DENND1A: variants seen among roughly 807,000 people sequenced by gnomAD.
DENND1A encodes the protein DENN domain containing 1A.
Under a neutral mutation model 113.7 loss-of-function variants are expected in DENND1A, and 51 were observed. The observed-to-expected ratio is 0.45, with a 90% CI of 0.36 to 0.57. The LOEUF (loss-of-function observed/expected upper bound fraction) is 0.57. Among genes scored for constraint, DENND1A ranks in the 20% least tolerant of loss-of-function variants. The probability of loss-of-function intolerance (pLI) is 0.00; values close to 1 mark genes in which losing one functional copy is unlikely to be tolerated. For missense variants in DENND1A, 1,258 were observed against 1,395.9 expected, an observed-to-expected ratio of 0.90 and a Z score of 1.57; for synonymous variants, 565 against 570.8, an observed-to-expected ratio of 0.99 and a Z score of 0.14.
intron 2 of DENND1A, among the ~76,000 whole-genome samples, chr9:123,831,229 T>A (rs533789448): frequency 2.6e-5 from 4 of 152,054 alleles, no homozygotes; most frequent in Admixed American, 6.5e-5. Context: ...CAGAAATAAA[T>A]ATAATGAAAA....
chr9:123,718,615 G>A (rs1013724783), intron 5 of DENND1A, among the ~76,000 whole-genome samples: 1 of 152,160 alleles, frequency 6.6e-6, no homozygotes, highest in African/African-American at 2.4e-5. Flanking sequence ...CTTGCATTTT[G>A]TTACTCATAT....
intron 13 of DENND1A, among the ~76,000 whole-genome samples, chr9:123,483,133 T>C (rs901649053): frequency 1.3e-5 from 2 of 152,086 alleles, no homozygotes; most frequent in African/African-American, 4.8e-5. Context: ...AGAGTTGACT[T>C]GGATGCAAGA....
chr9:123,894,109 C>T (rs939636411), intron 1 of DENND1A, among the ~76,000 whole-genome samples: 2 of 152,170 alleles, frequency 1.3e-5, no homozygotes, highest in African/African-American at 4.8e-5. Flanking sequence ...AACTTTGTTT[C>T]ACTTCACCTC....
At chr9:123,648,346 G>C (rs1351520549) in intron 9 of DENND1A, among the ~76,000 whole-genome samples, 2 of 152,144 alleles carry the variant, frequency 1.3e-5, no homozygotes, top group African/African-American at 4.8e-5. Flanking sequence ...CAAAATGTTG[G>C]GATTATAGGT....
intron 5 of DENND1A, among the ~76,000 whole-genome samples, chr9:123,684,721 T>A (rs1399552050): frequency 1.3e-5 from 2 of 152,226 alleles, no homozygotes; most frequent in African/African-American, 4.8e-5. Context: ...TCTAGATGAT[T>A]CATTTTTCAA....
intron 13 of DENND1A, among the ~76,000 whole-genome samples, chr9:123,554,249 G>A (rs1030310100): frequency 2.6e-5 from 4 of 151,920 alleles, no homozygotes; most frequent in African/African-American, 4.8e-5. Context: ...AAAAGACAGG[G>A]TCTCACCCTG....
intron 13 of DENND1A, among the ~76,000 whole-genome samples, chr9:123,476,368 T>C (rs1258832569): frequency 6.6e-6 from 1 of 152,130 alleles, no homozygotes; most frequent in Non-Finnish European, 1.5e-5. Flanking sequence ...CTTGGGCAAG[T>C]GTCTACCCAA....
intron 5 of DENND1A, among the ~76,000 whole-genome samples, chr9:123,720,399 A>AGGT (rs1214776888): frequency 6.6e-6 from 1 of 152,198 alleles, no homozygotes; most frequent in African/African-American, 2.4e-5. Context: ...AAATGAACAA[A>AGGT]GGTAAAGAGA....
chr9:123,783,897 A>G (rs1012202963), intron 3 of DENND1A, among the ~76,000 whole-genome samples: 2 of 152,226 alleles, frequency 1.3e-5, no homozygotes, highest in African/African-American at 4.8e-5. Flanking sequence ...ACACAGATAT[A>G]CAAGCAAGAC....
intron 19 of DENND1A, among the ~76,000 whole-genome samples, chr9:123,431,833 A>T (rs1341072932): frequency 6.6e-6 from 1 of 152,144 alleles, no homozygotes; most frequent in East Asian, 1.9e-4. Flanking sequence ...AACACCTAGC[A>T]CATACGGGAT....
intron 13 of DENND1A, among the ~76,000 whole-genome samples, chr9:123,497,145 C>T (rs1276299424): frequency 1.3e-5 from 2 of 152,200 alleles, no homozygotes; most frequent in African/African-American, 4.8e-5. Context: ...ATCAGGGCAG[C>T]ACGGACCACG....
chr9:123,576,025 G>T (rs748561716), intron 12 of DENND1A, among the ~76,000 whole-genome samples: 9 of 152,050 alleles, frequency 5.9e-5, no homozygotes, highest in African/African-American at 2.2e-4. Context: ...TCCATCTGTT[G>T]TCATGTTTAC....
intron 13 of DENND1A, among the ~76,000 whole-genome samples, chr9:123,547,273 T>C (rs1232866333): frequency 6.6e-6 from 1 of 152,290 alleles, no homozygotes; most frequent in Non-Finnish European, 1.5e-5. Flanking sequence ...CTCACGCCTG[T>C]AATCCCAGCA....
At position 123,519,921 on chromosome 9, in the gene DENND1A, A is replaced by T. The variant is rs1321858889; in HGVS notation, c.993+37649T>A. On this transcript the variant is annotated intron_variant, in intron 13 of 23. Coordinates refer to ENST00000394215, the MANE Select transcript of DENND1A (RefSeq NM_001352964.2). ...ACACCTGTCATCTCAGCACTTTGGG[A>T]GGCTGAGGTGTGTGGATTACTTGAG... Among the ~76,000 whole-genome samples, 4 of 152,090 alleles carry T rather than the reference A, an allele frequency of 2.6e-5. No individual in the cohort carries two copies. The South Asian group carries it at 6.2e-4, about 24-fold the overall frequency.
chr9:123,667,383 G>A (rs1459649672), intron 7 of DENND1A, among the ~76,000 whole-genome samples: 2 of 152,168 alleles, frequency 1.3e-5, no homozygotes, highest in Non-Finnish European at 2.9e-5. Flanking sequence ...GGGAGGCCAA[G>A]GCAGGTAGAT....
At chr9:123,643,111 A>G (rs1381280874) in intron 9 of DENND1A, among the ~76,000 whole-genome samples, 2 of 152,046 alleles carry the variant, frequency 1.3e-5, no homozygotes, top group Non-Finnish European at 2.9e-5. Flanking sequence ...TCTCCTAAGG[A>G]CCAGACTGTG....
intron 5 of DENND1A, among the ~76,000 whole-genome samples, chr9:123,691,498 T>C (rs1016946859): frequency 1.3e-5 from 2 of 151,160 alleles, no homozygotes; most frequent in African/African-American, 4.9e-5. Flanking sequence ...TCGGGGTTAC[T>C]GGATCCCAGA....
Position 123,776,191 on chromosome 9 carries a change from C to T in DENND1A, c.133-6628G>A, listed in dbSNP as rs571856929. On this transcript the variant is annotated intron_variant, in intron 3 of 23. Coordinates refer to ENST00000394215, the MANE Select transcript of DENND1A (RefSeq NM_001352964.2). ...TGTGTATGTGTGTCCTATAATTAAGCCCTAACACATACTTCATGTAGTTTA... is the reference window on the plus strand; with the variant it reads ...TGTGTATGTGTGTCCTATAATTAAGTCCTAACACATACTTCATGTAGTTTA... 2.0e-5 allele frequency among the ~76,000 whole-genome samples: 3 copies of T among 152,260 alleles called. No homozygotes were observed. The East Asian group carries it at 5.8e-4, about 29-fold the overall frequency.
chr9:123,547,912 C>T (rs909300270), intron 13 of DENND1A, among the ~76,000 whole-genome samples: 3 of 152,190 alleles, frequency 2.0e-5, no homozygotes, highest in African/African-American at 7.2e-5. Context: ...TAGTTAACAT[C>T]TACTATCAGC....
Sources: allele counts gnomAD v4.1 joint callset (sites outside exome capture counted in the v4.1 genomes callset), GRCh38; gene constraint gnomAD v4.1.1; transcripts MANE v1.5; gene names NCBI Gene and HGNC (gene_info 2026-07-23, HGNC 2026-07-21).